IFT88: variants seen among roughly 807,000 people sequenced by gnomAD.
IFT88 encodes intraflagellar transport protein 88 homolog.
In IFT88, 74 loss-of-function variants were observed where a neutral mutation model predicts 119.5. That is an observed-to-expected ratio of 0.62 (90% CI 0.51 to 0.75). The LOEUF (loss-of-function observed/expected upper bound fraction) is 0.75, where lower values mean the gene tolerates loss of function less well. Among genes scored for constraint, IFT88 ranks in the 30% least tolerant of loss-of-function variants. IFT88 has a pLI of 0.00. For synonymous variants in IFT88, 279 were observed against 316.7 expected (o/e 0.88, Z 1.26); for missense variants, 961 against 977.7 (o/e 0.98, Z 0.23).
chr13:20,599,095 A>G (rs1168834292), intron 10 of IFT88, among the ~76,000 whole-genome samples: 1 of 152,128 alleles, frequency 6.6e-6, no homozygotes, highest in East Asian at 1.9e-4. Flanking sequence ...TAGCAGTATT[A>G]ATGTTTATCA....
intron 1 of IFT88, chr13:20,568,025 CA>C: frequency 1.4e-6 from 1 of 712,844 alleles, no homozygotes. Flanking sequence ...AAAAAAATCG[CA>C]AAAAAGAATC....
At chr13:20,619,358 C>T (rs1315987072) in intron 14 of IFT88, among the ~76,000 whole-genome samples, 23 of 152,082 alleles carry the variant, frequency 1.5e-4, no homozygotes, top group Non-Finnish European at 4.4e-5. Context: ...GACTGATGTC[C>T]CTGAAGAGTG....
At chr13:20,580,952 C>G (rs1489657742) in intron 2 of IFT88, among the ~76,000 whole-genome samples, 1 of 152,000 alleles carries the variant, frequency 6.6e-6, no homozygotes, top group Non-Finnish European at 1.5e-5. Flanking sequence ...GTCTCGATCT[C>G]CTGACTTCAT....
intron 24 of IFT88, among the ~76,000 whole-genome samples, chr13:20,686,765 C>T (rs1236629710): frequency 2.6e-5 from 4 of 152,022 alleles, no homozygotes; most frequent in Non-Finnish European, 5.9e-5. Flanking sequence ...TATTTTTATG[C>T]TCATAACCAT....
At position 20,638,510 on chromosome 13, in the gene IFT88, A is replaced by T; in HGVS notation, c.1565A>T (p.Tyr522Phe). The T allele has an allele frequency of 6.9e-7, 1 of 1,446,494 alleles. No homozygotes were observed. Among genetic ancestry groups the T allele is most frequent in the East Asian group, 2.6e-5 (1 of 37,854 alleles). The allele number at this position is 1,446,494 out of a possible 1,614,324, so 89.6% of individuals were successfully genotyped here. Residue 522 changes from tyrosine (Y) to phenylalanine (F), a missense_variant, in exon 17 of 26, where the codon TAT (tyrosine) becomes TTT (phenylalanine). Coordinates refer to ENST00000351808, the MANE Select transcript of IFT88 (RefSeq NM_006531.5). ...GATTCTTCTTGTACTGAAGCACTTT[A>T]TAATATTGGTAAGTGAAACAAGGGG... The part of the protein sequence containing the change: ...RNDSSCTEAL[Y>F]NIGLTYEKLN...
intron 16 of IFT88, among the ~76,000 whole-genome samples, chr13:20,637,697 G>T (rs564400281): frequency 6.6e-6 from 1 of 152,166 alleles, no homozygotes; most frequent in African/African-American, 2.4e-5. Context: ...TGAGACTAAA[G>T]GCCACTGCTT....
chr13:20,691,264 TA>T lies in IFT88; in HGVS notation c.*90del, dbSNP rs1361735055. On this transcript the variant is annotated 3_prime_UTR_variant, in exon 26 of 26. Transcript: ENST00000351808. ...TTGGATTAAATATCTAACCTGTAAT[TA>T]TTTTTTTTCACTGTCAAAACTTAAG... is the stretch of plus-strand genomic sequence containing the variant. The T allele has an allele frequency of 1.5e-5, 19 of 1,241,542 alleles. 1 individual carries two copies. The highest frequency in any genetic ancestry group is 3.3e-5 in the South Asian group (2 of 60,772). The allele number at this position is 1,241,542 out of a possible 1,614,324, so 76.9% of individuals were successfully genotyped here.
At chr13:20,596,524 A>G (rs2041673699) in intron 8 of IFT88, among the ~76,000 whole-genome samples, 1 of 152,198 alleles carries the variant, frequency 6.6e-6, no homozygotes, top group African/African-American at 2.4e-5. Context: ...ATTGGATTAG[A>G]TAGCAATATG....
rs762102619 is a variant in IFT88 at position 20,656,436 on chromosome 13, T to G, written c.2068+6T>G. The G allele has an allele frequency of 7.1e-7, 1 of 1,402,934 alleles. No homozygotes were observed. Among genetic ancestry groups the G allele is most frequent in the Non-Finnish European group, 9.8e-7 (1 of 1,015,848 alleles). 86.9% of individuals were successfully genotyped at this position (1,402,934 alleles called of 1,614,324 possible). Reference sequence around the variant, plus strand: ...ATTTCCAGAAAATGTCGAATGTAAGTGGCATTACATAATGTAACTTTGAAG... The same window carrying G: ...ATTTCCAGAAAATGTCGAATGTAAGGGGCATTACATAATGTAACTTTGAAG... On this transcript the variant is annotated splice_donor_region_variant and intron_variant, in intron 22 of 25. Transcript: ENST00000351808.
At chr13:20,674,354 G>T (rs1290907088) in intron 24 of IFT88, among the ~76,000 whole-genome samples, 1 of 152,154 alleles carries the variant, frequency 6.6e-6, no homozygotes, top group Admixed American at 6.5e-5. Context: ...GAACACATCT[G>T]CTTCTCATGT....
chr13:20,647,440 G>T (rs998432667), intron 20 of IFT88, among the ~76,000 whole-genome samples: 1 of 151,932 alleles, frequency 6.6e-6, no homozygotes, highest in Non-Finnish European at 1.5e-5. Context: ...ATGTCAACTT[G>T]GCATATAGTT....
In IFT88 at chr13:20,597,772, T is replaced by A. The variant is rs1227397838; in HGVS notation, c.594+653T>A. On this transcript the variant is annotated intron_variant, in intron 9 of 25. Transcript: ENST00000351808. ...AAAAAAAAATATATATATATATATTTTTTTTTTGATAACTTGGTAAGTACC... is the reference window on the plus strand; with the variant it reads ...AAAAAAAAATATATATATATATATTATTTTTTTGATAACTTGGTAAGTACC... 6.9e-5 allele frequency among the ~76,000 whole-genome samples: 10 copies of A among 144,554 alleles called. No individual in the cohort carries two copies. In the South Asian group the frequency reaches 8.6e-4, roughly 12 times the overall value. 94.8% of individuals were successfully genotyped at this position (144,554 alleles called of 152,430 possible).
chr13:20,644,204 A>C (rs2050392738), intron 19 of IFT88, among the ~76,000 whole-genome samples: 1 of 152,180 alleles, frequency 6.6e-6, no homozygotes, highest in South Asian at 2.1e-4. Flanking sequence ...CCATCTCTAC[A>C]AATAATAATA....
chr13:20,650,174 A>G (rs2051391257), intron 20 of IFT88, among the ~76,000 whole-genome samples: 1 of 152,194 alleles, frequency 6.6e-6, no homozygotes, highest in Non-Finnish European at 1.5e-5. Flanking sequence ...AAGACACTAC[A>G]AGAAAACTAC....
intron 24 of IFT88, among the ~76,000 whole-genome samples, chr13:20,672,228 C>A (rs779876578): frequency 2.4e-4 from 37 of 152,210 alleles, no homozygotes; most frequent in Non-Finnish European, 4.0e-4. Flanking sequence ...ACTTAGTAGG[C>A]AGTTACAGCC....
intron 20 of IFT88, 93 bp downstream of exon 20, chr13:20,645,051 A>C: frequency 3.5e-6 from 2 of 563,706 alleles, no homozygotes; most frequent in Non-Finnish European, 6.4e-6. Context: ...TAGTAAATTC[A>C]AGAACAGATG....
chr13:20,576,688 G>T (rs779540287), intron 2 of IFT88, among the ~76,000 whole-genome samples: 38 of 152,268 alleles, frequency 2.5e-4, no homozygotes, highest in Middle Eastern at 6.8e-3. Flanking sequence ...TAGATGTCTA[G>T]ATTTGTTTCT....
chr13:20,608,125 A>T, intron 13 of IFT88: 1 of 456,256 alleles, frequency 2.2e-6, no homozygotes, highest in Non-Finnish European at 4.3e-6. Context: ...GAGCTACCCA[A>T]ACTCTTAGTT....
In IFT88 at chr13:20,638,369, T is replaced by A; in HGVS notation, c.1424T>A (p.Ile475Lys). Reference protein sequence around the residue: ...DFAQASSYADIAVNSDRYNPA... With the variant: ...DFAQASSYADKAVNSDRYNPA... The stretch of plus-strand genomic sequence containing the variant: ...GCACAAGCCAGCAGCTATGCAGATA[T>A]AGCTGTGAACTCTGATAGATATAAT... Residue 475 changes from isoleucine to lysine, a missense_variant, in exon 17 of 26, where the codon ATA (isoleucine) becomes AAA (lysine). Physicochemically the swap from Ile to Lys is moderately radical, Grantham distance 102 (BLOSUM62 -3). Coordinates refer to ENST00000351808, the MANE Select transcript of IFT88 (RefSeq NM_006531.5). 1 of 1,449,808 alleles carries A rather than the reference T, an allele frequency of 6.9e-7. No homozygotes were observed. Among genetic ancestry groups the A allele is most frequent in the Non-Finnish European group, 9.1e-7 (1 of 1,099,858 alleles). The allele number at this position is 1,449,808 out of a possible 1,614,324, so 89.8% of individuals were successfully genotyped here.
Sources: allele counts gnomAD v4.1 joint callset (sites outside exome capture counted in the v4.1 genomes callset), GRCh38; gene constraint gnomAD v4.1.1; transcripts MANE v1.5; gene names NCBI Gene and HGNC (gene_info 2026-07-23, HGNC 2026-07-21).